The following S100PBP variants were observed in gnomAD, a reference collection of about 807,000 sequenced individuals.
S100PBP encodes the protein S100P binding protein, also known as S100P-binding protein.
In S100PBP, 15 loss-of-function variants were observed where a neutral mutation model predicts 39.9. The ratio of observed to expected loss-of-function variants is 0.38; its 90% CI spans 0.25 to 0.58. The LOEUF (loss-of-function observed/expected upper bound fraction) is 0.58, where lower values mean the gene tolerates loss of function less well. S100PBP is among the 20% of genes least tolerant of loss of function. The probability of loss-of-function intolerance (pLI) is 0.70; values close to 1 mark genes in which losing one functional copy is unlikely to be tolerated. For missense variants in S100PBP, 504 were observed against 487.3 expected, an observed-to-expected ratio of 1.03 and a Z score of -0.32; for synonymous variants, 178 against 180.3, an observed-to-expected ratio of 0.99 and a Z score of 0.10.
At chr1:32,838,769 G>A (rs978543963) in intron 5 of S100PBP, among the ~76,000 whole-genome samples, 1 of 152,004 alleles carries the variant, frequency 6.6e-6, no homozygotes. Context: ...CTGGAACCCA[G>A]GAGGCAGAGG....
intron 5 of S100PBP, among the ~76,000 whole-genome samples, chr1:32,845,383 C>T (rs1009859349): frequency 6.6e-6 from 1 of 151,980 alleles, no homozygotes; most frequent in Non-Finnish European, 1.5e-5. Context: ...GCTGAGTGAA[C>T]CAATGTCGTG....
At chr1:32,820,445 C>G (rs1639003332) in intron 1 of S100PBP, 1 of 152,156 alleles carries the variant, frequency 6.6e-6, no homozygotes, top group Non-Finnish European at 1.5e-5. Context: ...TGCGCCTGGC[C>G]CTATGCTTCT....
At chr1:32,821,499 T>C (rs1234494814) in intron 1 of S100PBP, among the ~76,000 whole-genome samples, 29 of 151,826 alleles carry the variant, frequency 1.9e-4, no homozygotes, top group Non-Finnish European at 2.9e-5. Flanking sequence ...TTTTTGTACT[T>C]TTAGTAGAGT....
chr1:32,823,585 G>A (rs1217745641), intron 1 of S100PBP, among the ~76,000 whole-genome samples: 1 of 152,270 alleles, frequency 6.6e-6, no homozygotes, highest in East Asian at 1.9e-4. Context: ...TTTATAATAG[G>A]TATTTAGTAT....
At chr1:32,847,457 G>T (rs1640429189) in intron 5 of S100PBP, 1 of 152,116 alleles carries the variant, frequency 6.6e-6, no homozygotes, top group Non-Finnish European at 1.5e-5. Flanking sequence ...AGCTTACAGT[G>T]AGAGGTTAAG....
intron 5 of S100PBP, among the ~76,000 whole-genome samples, chr1:32,831,435 G>T (rs181085067): frequency 1.4e-3 from 220 of 151,728 alleles, no homozygotes; most frequent in African/African-American, 5.2e-3. Flanking sequence ...CACTGGGGAG[G>T]GTTTTAGGAG....
chr1:32,845,138 C>T (rs1456112350), intron 5 of S100PBP, among the ~76,000 whole-genome samples: 4 of 152,144 alleles, frequency 2.6e-5, no homozygotes, highest in East Asian at 1.9e-4. Flanking sequence ...CATTCTCCTG[C>T]GTCAGCCTCC....
rs1027609394 is a variant in S100PBP, at chr1:32,825,327, A to G, written c.-105A>G. ...TTTGCCTGCAGGAAGGTGGGAGTCA[A>G]TCATTTTGACAAGTCTCCTGAAAGG... On this transcript the variant is annotated 5_prime_UTR_variant, in exon 2 of 7. Coordinates refer to ENST00000373475, the MANE Select transcript of S100PBP (RefSeq NM_022753.4). 3.9e-5 allele frequency: 6 copies of G among 152,230 alleles called. No homozygotes were observed. The highest frequency in any genetic ancestry group is 3.9e-4 in the Admixed American group (6 of 15,284). 9.4% of individuals were successfully genotyped at this position (152,230 alleles called of 1,614,324 possible). A position where few individuals can be genotyped will look rare whatever the true frequency, so the allele number is the denominator to read the frequency against.
intron 5 of S100PBP, among the ~76,000 whole-genome samples, chr1:32,843,834 C>T (rs900070875): frequency 2.2e-4 from 34 of 151,932 alleles, no homozygotes; most frequent in African/African-American, 6.8e-4. Context: ...ATGATCTGCC[C>T]GTCTTGGCCT....
intron 1 of S100PBP, 34 bp downstream of exon 1, chr1:32,817,723 A>C: frequency 1.5e-5 from 3 of 199,124 alleles, no homozygotes; most frequent in Non-Finnish European, 3.2e-5. Flanking sequence ...GGTCGGCGTT[A>C]CCCGGCTTGG....
At chr1:32,822,062 T>TA (rs909680412) in intron 1 of S100PBP, among the ~76,000 whole-genome samples, 7 of 151,228 alleles carry the variant, frequency 4.6e-5, no homozygotes, top group African/African-American at 7.3e-5. Context: ...TTTTTAGCCT[T>TA]AAAAAAAAAT....
At chr1:32,822,003 A>G (rs1639091863) in intron 1 of S100PBP, among the ~76,000 whole-genome samples, 1 of 152,148 alleles carries the variant, frequency 6.6e-6, no homozygotes, top group Non-Finnish European at 1.5e-5. Context: ...TACACATAAG[A>G]CATTATCAGC....
chr1:32,819,319 G>A (rs948711648), intron 1 of S100PBP, among the ~76,000 whole-genome samples: 3 of 152,228 alleles, frequency 2.0e-5, no homozygotes, highest in African/African-American at 7.2e-5. Flanking sequence ...TGTAATCCCA[G>A]CACTTGGGGA....
intron 5 of S100PBP, among the ~76,000 whole-genome samples, chr1:32,844,315 T>C (rs1331896141): frequency 6.6e-6 from 1 of 152,106 alleles, no homozygotes; most frequent in African/African-American, 2.4e-5. Flanking sequence ...CCTCCCAAAG[T>C]GTTGGGGTTA....
intron 6 of S100PBP, among the ~76,000 whole-genome samples, chr1:32,854,600 C>A (rs1640751022): frequency 6.6e-6 from 1 of 152,206 alleles, no homozygotes; most frequent in African/African-American, 2.4e-5. Flanking sequence ...GGCCTCCCTG[C>A]TTCTGCCCTT....
At chr1:32,825,776 G>A (rs3845500) in intron 2 of S100PBP, among the ~76,000 whole-genome samples, 150,409 of 152,328 alleles carry the variant, frequency 0.99, 74,286 homozygotes, top group East Asian at 1. Context: ...GTCAAATGGT[G>A]TAGTCAAATT....
At chr1:32,833,969 C>A in intron 5 of S100PBP, 1 of 230,832 alleles carries the variant, frequency 4.3e-6, no homozygotes, top group South Asian at 5.3e-5. Context: ...TGTCCATTTT[C>A]ATTAGTAATG....
Position 32,830,910 on chromosome 1 carries a change from A to T in S100PBP, c.1024+843A>T, listed in dbSNP as rs377190648. ...AAACTATAAAAATTAGCCGGATCAT[A>T]TTCTTTTGGGAAAAAAAAAATTAGC... On this transcript the variant is annotated intron_variant, in intron 5 of 6. Coordinates refer to ENST00000373475, the MANE Select transcript of S100PBP (RefSeq NM_022753.4). 2.0e-5 allele frequency among the ~76,000 whole-genome samples: 3 copies of T among 152,048 alleles called. No individual in the cohort carries two copies. In the East Asian group the frequency reaches 5.8e-4, roughly 29 times the overall value.
At chr1:32,835,327 A>C (rs1569880482) in intron 5 of S100PBP, 1 of 152,110 alleles carries the variant, frequency 6.6e-6, no homozygotes, top group Non-Finnish European at 1.5e-5. Context: ...ATTTGTCTCA[A>C]ATTTGATAAA....
Sources: gnomAD v4.1 joint callset for allele counts (sites outside exome capture counted in the v4.1 genomes callset) on GRCh38, gnomAD v4.1.1 for gene constraint, MANE v1.5 for transcripts, NCBI Gene and HGNC (gene_info 2026-07-23, HGNC 2026-07-21) for gene names.